The following CYP11A1 variants were observed in gnomAD, a reference collection of about 807,000 sequenced individuals.
CYP11A1 encodes cholesterol side-chain cleavage enzyme, mitochondrial.
Under a neutral mutation model 51.9 loss-of-function variants are expected in CYP11A1, and 25 were observed. The ratio of observed to expected loss-of-function variants is 0.48; its 90% CI spans 0.35 to 0.67. The LOEUF (loss-of-function observed/expected upper bound fraction) is 0.67, where lower values mean the gene tolerates loss of function less well. Among genes scored for constraint, CYP11A1 ranks in the 30% least tolerant of loss-of-function variants. The pLI, the probability that CYP11A1 is intolerant of heterozygous loss-of-function variation, is 0.00. For synonymous variants in CYP11A1, 245 were observed against 262.1 expected (o/e 0.93, Z 0.63); for missense variants, 578 against 680.9 (o/e 0.85, Z 1.68).
intron 2 of CYP11A1, among the ~76,000 whole-genome samples, chr15:74,346,562 C>T (rs1027079888): frequency 6.6e-6 from 1 of 151,888 alleles, no homozygotes; most frequent in Non-Finnish European, 1.5e-5. Flanking sequence ...ATATCATGAA[C>T]GGTACCACTG....
chr15:74,359,718 G>C (rs769001018), intron 1 of CYP11A1: 4 of 152,156 alleles, frequency 2.6e-5, no homozygotes, highest in Non-Finnish European at 4.4e-5. Flanking sequence ...CCTGCACCCA[G>C]GTGATTAAAA....
At chr15:74,366,471 TA>T in intron 1 of CYP11A1, among the ~76,000 whole-genome samples, 1 of 147,624 alleles carries the variant, frequency 6.8e-6, no homozygotes, top group Non-Finnish European at 1.5e-5. Flanking sequence ...TTTATTTATT[TA>T]TTTATTTATT....
chr15:74,338,689 C>A lies in CYP11A1; in HGVS notation c.1316G>T (p.Arg439Leu), dbSNP rs1287873655. Residue 439 changes from arginine to leucine, a missense_variant, in exon 8 of 9, where the codon CGA becomes CTA. By Grantham distance (102) the Arg-to-Leu change is moderately radical. Transcript: ENST00000268053. ...GATGTTCTTGTCTTTGCTCAGCCAT[C>A]GGGTTGGGTCAAAATTTTCCGGGTC... Reference protein sequence around the residue: ...FFDPENFDPTRWLSKDKNITY... With the variant: ...FFDPENFDPTLWLSKDKNITY... 1 of 1,614,136 alleles carries A rather than the reference C, an allele frequency of 6.2e-7. No individual in the cohort carries two copies. The highest frequency in any genetic ancestry group is 1.3e-5 in the African/African-American group (1 of 75,026).
At chr15:74,339,381 A>G (rs1369975022) in intron 6 of CYP11A1, 66 bp from the exon 7 acceptor site, 4 of 1,535,068 alleles carry the variant, frequency 2.6e-6, no homozygotes, top group Non-Finnish European at 3.6e-6. Flanking sequence ...GGAGCCCCAC[A>G]CCCTGTGTGG....
At chr15:74,346,639 G>A (rs751285692) in intron 2 of CYP11A1, among the ~76,000 whole-genome samples, 3 of 152,042 alleles carry the variant, frequency 2.0e-5, no homozygotes, top group Non-Finnish European at 4.4e-5. Context: ...AAATCAAACT[G>A]CTATGTCACA....
intron 1 of CYP11A1, chr15:74,359,595 G>C (rs993912758): frequency 1.3e-5 from 2 of 152,102 alleles, no homozygotes; most frequent in Admixed American, 6.5e-5. Flanking sequence ...TCCCCTGCCC[G>C]TGCCTGCCAA....
Position 74,337,802 on chromosome 15 carries a change from A to G in CYP11A1, c.*170T>C. 1.3e-6 allele frequency: 1 copy of G among 781,848 alleles called. No homozygotes were observed. The highest frequency in any genetic ancestry group is 2.2e-6 in the Non-Finnish European group (1 of 462,178). 48.4% of individuals were successfully genotyped at this position (781,848 alleles called of 1,614,324 possible). A position where few individuals can be genotyped will look rare whatever the true frequency, so the allele number is the denominator to read the frequency against. Reference sequence around the variant, plus strand: ...TATTGTCTCCATGGGGTGGGTGAAGAGGAGTGGCCCAGCTGAGCTGAGGAA... The same window carrying G: ...TATTGTCTCCATGGGGTGGGTGAAGGGGAGTGGCCCAGCTGAGCTGAGGAA... On this transcript the variant is annotated 3_prime_UTR_variant, in exon 9 of 9. Coordinates refer to ENST00000268053, the MANE Select transcript of CYP11A1 (RefSeq NM_000781.3).
intron 6 of CYP11A1, 55 bp downstream of exon 6, chr15:74,339,532 C>G: frequency 6.3e-7 from 1 of 1,599,600 alleles, no homozygotes. Flanking sequence ...CGGGCACTTC[C>G]CTGGCCCTGC....
chr15:74,343,760 G>C (rs751460047), intron 4 of CYP11A1, 29 bp downstream of exon 4: 5 of 1,593,152 alleles, frequency 3.1e-6, no homozygotes, highest in Non-Finnish European at 4.3e-6. Flanking sequence ...GGGCTCCGAG[G>C]AGGAGAGCAC....
chr15:74,358,890 C>T (rs72563796), intron 1 of CYP11A1, among the ~76,000 whole-genome samples: 1 of 152,120 alleles, frequency 6.6e-6, no homozygotes, highest in Non-Finnish European at 1.5e-5. Context: ...AAAGGTAAAA[C>T]GGACTAATGG....
Position 74,339,675 on chromosome 15 carries a change from A to G in CYP11A1, c.1069T>C (p.Leu357=), listed in dbSNP as rs1436534521. The G allele has an allele frequency of 1.2e-6, 2 of 1,613,984 alleles. No homozygotes were observed. Among genetic ancestry groups the G allele is most frequent in the Non-Finnish European group, 8.5e-7 (1 of 1,180,010 alleles). ...CCCTGGGCCTGGTGCCGCGCAGCCA[A>G]GACCTCTGCCCGCAGCATATCCTGC... The part of the protein sequence containing the change: ...KVQDMLRAEV[L]AARHQAQGDM... Residue 357 remains leucine, a synonymous_variant, in exon 6 of 9, where the codon TTG becomes CTG. Coordinates refer to ENST00000268053, the MANE Select transcript of CYP11A1 (RefSeq NM_000781.3).
At chr15:74,360,903 C>CA (rs1207939939) in intron 1 of CYP11A1, among the ~76,000 whole-genome samples, 4 of 151,558 alleles carry the variant, frequency 2.6e-5, no homozygotes, top group African/African-American at 4.9e-5. Flanking sequence ...AACTCTGTCT[C>CA]AAAAAAAACA....
chr15:74,339,188 C>T, intron 7 of CYP11A1, 49 bp downstream of exon 7: 1 of 1,513,724 alleles, frequency 6.6e-7, no homozygotes, highest in South Asian at 1.1e-5. Flanking sequence ...TCCAGCCTGC[C>T]CCAGCCCTCT....
intron 1 of CYP11A1, among the ~76,000 whole-genome samples, chr15:74,352,291 A>G (rs1325938942): frequency 8.7e-6 from 1 of 114,448 alleles, no homozygotes; most frequent in East Asian, 2.5e-4. Flanking sequence ...TTTTTTTGAG[A>G]CAGAGTCTCA....
intron 5 of CYP11A1, among the ~76,000 whole-genome samples, chr15:74,340,597 T>C (rs2060601930): frequency 2.0e-5 from 3 of 152,160 alleles, no homozygotes; most frequent in African/African-American, 7.2e-5. Flanking sequence ...ATTAAGCATA[T>C]ATTATATGGC....
intron 5 of CYP11A1, among the ~76,000 whole-genome samples, chr15:74,341,309 C>A (rs528640745): frequency 1.3e-5 from 2 of 152,168 alleles, no homozygotes; most frequent in African/African-American, 4.8e-5. Context: ...ATCTCTTCTA[C>A]GTAATAGACA....
In CYP11A1 at chr15:74,339,646, G is replaced by A. The variant is rs774530403; in HGVS notation, c.1098C>T (p.Asp366=). The A allele has an allele frequency of 6.8e-6, 11 of 1,614,152 alleles. No homozygotes were observed. Among genetic ancestry groups the A allele is most frequent in the Non-Finnish European group, 9.3e-6 (11 of 1,180,010 alleles). Residue 366 remains aspartate (D), a synonymous_variant, in exon 6 of 9, where the codon GAC becomes GAT. Transcript: ENST00000268053. ...GGACCAGCTGTAGCATCGTGGCCAT[G>A]TCTCCCTGGGCCTGGTGCCGCGCAG... is the stretch of plus-strand genomic sequence containing the variant. The part of the protein sequence containing the change: ...VLAARHQAQG[D]MATMLQLVPL...
In CYP11A1 at chr15:74,367,384, C is replaced by G. The variant is rs780119260; in HGVS notation, c.202G>C (p.Glu68Gln). 6.2e-7 allele frequency: 1 copy of G among 1,614,202 alleles called. No individual in the cohort carries two copies. The highest frequency in any genetic ancestry group is 8.5e-7 in the Non-Finnish European group (1 of 1,180,036). ...GWLNLYHFWRETGTHKVHLHH... is the reference protein window; with the variant it reads ...GWLNLYHFWRQTGTHKVHLHH... ...AGGTGGACTTTGTGTGTGCCCGTCT[C>G]CCTCCAGAAATGGTACAGGTTTAGC... is the stretch of plus-strand genomic sequence containing the variant. Residue 68 changes from glutamate (E) to glutamine (Q), a missense_variant, in exon 1 of 9, where the codon GAG becomes CAG. Transcript: ENST00000268053.
Position 74,343,972 on chromosome 15 carries a change from C to CA in CYP11A1, c.645dup (p.Gly216TrpfsTer20). On this transcript the variant is annotated frameshift_variant, in exon 4 of 9. Coordinates refer to ENST00000268053, the MANE Select transcript of CYP11A1 (RefSeq NM_000781.3). LOFTEE classifies it high-confidence loss of function. ...TCCTCCAGCATCCCCTGGCGCTCCC[C>CA]AAAAATGACGTTAGTGATGGCTGCA... 1 of 1,614,056 alleles carries CA rather than the reference C, an allele frequency of 6.2e-7. No individual in the cohort carries two copies.
Sources: allele counts gnomAD v4.1 joint callset (sites outside exome capture counted in the v4.1 genomes callset), GRCh38; gene constraint gnomAD v4.1.1; transcripts MANE v1.5; gene names NCBI Gene and HGNC (gene_info 2026-07-23, HGNC 2026-07-21).